Variants in SMG6 observed in about 807,000 individuals in gnomAD.
The protein encoded by SMG6 is SMG6 nonsense mediated mRNA decay factor.
In SMG6, 66 loss-of-function variants were observed where a neutral mutation model predicts 142.2. The observed-to-expected ratio is 0.46, with a 90% CI of 0.38 to 0.57. SMG6 has a LOEUF of 0.57. Ranked by LOEUF, SMG6 falls within the 20% of genes least tolerant of loss-of-function variation. SMG6 has a pLI of 0.00. For synonymous variants in SMG6, 779 were observed against 702.4 expected, an observed-to-expected ratio of 1.11 and a Z score of -1.72; for missense variants, 1,793 against 1,832.0, an observed-to-expected ratio of 0.98 and a Z score of 0.39.
intron 10 of SMG6, among the ~76,000 whole-genome samples, chr17:2,188,789 G>C (rs1247812839): frequency 6.6e-6 from 1 of 152,188 alleles, no homozygotes; most frequent in Non-Finnish European, 1.5e-5. Context: ...GTCTGAGCTG[G>C]AGCTGCATGG....
intron 10 of SMG6, among the ~76,000 whole-genome samples, chr17:2,231,417 G>A (rs957248437): frequency 6.6e-6 from 1 of 152,162 alleles, no homozygotes; most frequent in South Asian, 2.1e-4. Context: ...CAAGCATAAG[G>A]CTGGGTGCAG....
intron 13 of SMG6, among the ~76,000 whole-genome samples, chr17:2,139,653 G>GC (rs1567629690): frequency 6.6e-6 from 1 of 151,610 alleles, no homozygotes; most frequent in Admixed American, 6.6e-5. Context: ...ACTCCTGACC[G>GC]CAAGTGATCT....
intron 10 of SMG6, among the ~76,000 whole-genome samples, chr17:2,207,723 A>G (rs996216781): frequency 2.6e-5 from 4 of 152,358 alleles, no homozygotes; most frequent in East Asian, 1.9e-4. Context: ...AACAAAAAGT[A>G]TAACAGTATG....
intron 10 of SMG6, chr17:2,214,008 G>A (rs1372662973): frequency 6.6e-6 from 1 of 152,330 alleles, no homozygotes; most frequent in East Asian, 1.9e-4. Flanking sequence ...ACAGGAAGCT[G>A]AGAGTTCAAC....
At chr17:2,276,548 C>G (rs2151368861) in intron 8 of SMG6, among the ~76,000 whole-genome samples, 1 of 152,198 alleles carries the variant, frequency 6.6e-6, no homozygotes, top group African/African-American at 2.4e-5. Flanking sequence ...TCACACCCAG[C>G]TTATTTTTTG....
intron 8 of SMG6, among the ~76,000 whole-genome samples, chr17:2,257,258 G>T (rs907168731): frequency 3.9e-5 from 6 of 151,930 alleles, no homozygotes; most frequent in Non-Finnish European, 8.8e-5. Flanking sequence ...GCTAATTTTT[G>T]TATTTTCAGC....
rs1466446253 is a variant in SMG6, at chr17:2,290,699, C to A, written c.2337+1853G>T. On this transcript the variant is annotated intron_variant, in intron 6 of 18. Coordinates refer to ENST00000263073, the MANE Select transcript of SMG6 (RefSeq NM_017575.5). ...AGTCTGGAAGAAAATAGATGCAAAT[C>A]ACACACCTGATAAAGGACTTGTAAC... Among the ~76,000 whole-genome samples the A allele has an allele frequency of 2.6e-5, 4 of 152,250 alleles. No individual in the cohort carries two copies. The East Asian group carries it at 7.7e-4, about 29-fold the overall frequency.
intron 18 of SMG6, among the ~76,000 whole-genome samples, chr17:2,064,587 A>G (rs1246082111): frequency 6.6e-6 from 1 of 152,190 alleles, no homozygotes; most frequent in East Asian, 1.9e-4. Context: ...CCTCTGCCCC[A>G]GGCCTGAAAT....
intron 13 of SMG6, among the ~76,000 whole-genome samples, chr17:2,136,975 T>G (rs1305565681): frequency 6.6e-6 from 1 of 152,000 alleles, no homozygotes; most frequent in Non-Finnish European, 1.5e-5. Flanking sequence ...CTGGGCAACA[T>G]GGTGAGACCT....
intron 8 of SMG6, among the ~76,000 whole-genome samples, chr17:2,278,816 A>AC (rs2074718100): frequency 1.3e-5 from 2 of 152,206 alleles, no homozygotes; most frequent in African/African-American, 4.8e-5. Flanking sequence ...CATGACCAAC[A>AC]CAACTCCAAA....
chr17:2,081,883 C>T lies in SMG6; in HGVS notation c.3608G>A (p.Arg1203Lys). Residue 1203 changes from arginine to lysine, a missense_variant, in exon 15 of 19, where the codon AGG (arginine) becomes AAG (lysine). Arg to Lys is a conservative substitution (Grantham distance 26). Transcript: ENST00000263073. The stretch of plus-strand genomic sequence containing the variant: ...AGCCAGCTTCTTGGCCCGAAGCTCC[C>T]TGATGTCATCCTCGCCTCCGCTGCC... ...AEGSGGEDDI[R>K]ELRAKKLALA... 1 of 1,614,206 alleles carries T rather than the reference C, an allele frequency of 6.2e-7. No individual in the cohort carries two copies. The highest frequency in any genetic ancestry group is 2.2e-5 in the East Asian group (1 of 44,894).
At chr17:2,120,687 C>T (rs2069660679) in intron 13 of SMG6, among the ~76,000 whole-genome samples, 1 of 152,166 alleles carries the variant, frequency 6.6e-6, no homozygotes, top group South Asian at 2.1e-4. Flanking sequence ...TGTGCCACTG[C>T]TCTTTGGCTT....
chr17:2,218,864 T>C (rs2073093752), intron 10 of SMG6, among the ~76,000 whole-genome samples: 1 of 152,098 alleles, frequency 6.6e-6, no homozygotes, highest in South Asian at 2.1e-4. Flanking sequence ...TCACTGACTG[T>C]AACAAATGTC....
chr17:2,158,271 C>T (rs972755759), intron 13 of SMG6, among the ~76,000 whole-genome samples: 11 of 152,180 alleles, frequency 7.2e-5, no homozygotes, highest in Non-Finnish European at 1.6e-4. Context: ...ATGCAAACCA[C>T]GTTTTCCTCT....
rs143172236 is a variant in SMG6, at chr17:2,228,293, A to G, written c.2869+8199T>C. On this transcript the variant is annotated intron_variant, in intron 10 of 18. Transcript: ENST00000263073. ...GCCCAGGCTGGAGTACAGTGGCACA[A>G]TCTTGGCTCACTGCAACCTCCACTC... Among the ~76,000 whole-genome samples, 248 of 152,194 alleles carry G rather than the reference A, an allele frequency of 1.6e-3. 1 individual carries two copies. Among genetic ancestry groups the G allele is most frequent in the African/African-American group, 5.5e-3 (230 of 41,522 alleles).
At chr17:2,075,882 A>G (rs1362736166) in intron 15 of SMG6, among the ~76,000 whole-genome samples, 1 of 152,176 alleles carries the variant, frequency 6.6e-6, no homozygotes, top group African/African-American at 2.4e-5. Context: ...CTGCAGCTCC[A>G]GCTGCACAGG....
intron 13 of SMG6, among the ~76,000 whole-genome samples, chr17:2,104,505 C>T (rs550985962): frequency 6.6e-6 from 1 of 151,976 alleles, no homozygotes; most frequent in South Asian, 2.1e-4. Context: ...GAAAGAAAAA[C>T]CCATGAGCAT....
chr17:2,232,111 A>G (rs545255516), intron 10 of SMG6, among the ~76,000 whole-genome samples: 1 of 152,068 alleles, frequency 6.6e-6, no homozygotes, highest in Non-Finnish European at 1.5e-5. Context: ...GAAAAAAAAA[A>G]GGGCCAGATT....
intron 10 of SMG6, among the ~76,000 whole-genome samples, chr17:2,231,261 C>T (rs1008694416): frequency 2.0e-5 from 3 of 152,186 alleles, no homozygotes; most frequent in Non-Finnish European, 2.9e-5. Flanking sequence ...ACAACAATGG[C>T]ATGAAACATC....
Sources: gnomAD v4.1 joint callset for allele counts (sites outside exome capture counted in the v4.1 genomes callset) on GRCh38, gnomAD v4.1.1 for gene constraint, MANE v1.5 for transcripts, NCBI Gene and HGNC (gene_info 2026-07-23, HGNC 2026-07-21) for gene names.